The following PKP2 variants were observed in gnomAD, a reference collection of about 807,000 sequenced individuals.
PKP2 encodes plakophilin 2, also known as plakophilin-2.
A neutral mutation model predicts 83.4 loss-of-function variants in PKP2; 73 were observed. That is an observed-to-expected ratio of 0.88 (90% CI 0.72 to 1.06). PKP2 has a LOEUF of 1.06. Among genes scored for constraint, PKP2 ranks in the 50% least tolerant of loss-of-function variants. The pLI is 0.00. For synonymous variants in PKP2, 409 were observed against 430.4 expected, an observed-to-expected ratio of 0.95 and a Z score of 0.62; for missense variants, 966 against 1,065.4, an observed-to-expected ratio of 0.91 and a Z score of 1.30.
intron 1 of PKP2, among the ~76,000 whole-genome samples, chr12:32,883,981 G>A (rs559527760): frequency 6.6e-6 from 1 of 152,124 alleles, no homozygotes; most frequent in Non-Finnish European, 1.5e-5. Flanking sequence ...AAATCAAGCT[G>A]ACCTTCCTTT....
At chr12:32,806,081 A>G (rs991540582) in intron 9 of PKP2, among the ~76,000 whole-genome samples, 8 of 152,204 alleles carry the variant, frequency 5.3e-5, no homozygotes, top group African/African-American at 1.9e-4. Context: ...GGTGGTGGAT[A>G]AGCTTTTTGA....
In PKP2 at chr12:32,846,745, C is replaced by CAAAA. The variant is rs574053559; in HGVS notation, c.1378+4017_1378+4020dup. ...GGGTAACAAGAATGAAACTTCTTCTCAAAAAAAAAAAAAAAAAAGAAGAGA... is the reference window on the plus strand; with the variant it reads ...GGGTAACAAGAATGAAACTTCTTCTCAAAAAAAAAAAAAAAAAAAAAAGAAGAGA... On this transcript the variant is annotated intron_variant, in intron 5 of 12. Coordinates refer to ENST00000340811, the MANE Select transcript of PKP2 (RefSeq NM_001005242.3). Among the ~76,000 whole-genome samples, 404 of 74,866 alleles carry CAAAA rather than the reference C, an allele frequency of 5.4e-3. 6 individuals carry two copies. Among genetic ancestry groups the CAAAA allele is most frequent in the Non-Finnish European group, 7.5e-3 (286 of 38,230 alleles). 49.1% of individuals were successfully genotyped at this position (74,866 alleles called of 152,430 possible). A position where few individuals can be genotyped will look rare whatever the true frequency, so the allele number is the denominator to read the frequency against.
At chr12:32,847,608 C>T (rs1394534856) in intron 5 of PKP2, among the ~76,000 whole-genome samples, 1 of 152,174 alleles carries the variant, frequency 6.6e-6, no homozygotes, top group African/African-American at 2.4e-5. Flanking sequence ...CCAAATCACG[C>T]TATTTTCCAT....
chr12:32,890,909 G>A (rs1303684916), intron 1 of PKP2, among the ~76,000 whole-genome samples: 3 of 147,252 alleles, frequency 2.0e-5, no homozygotes, highest in Non-Finnish European at 4.5e-5. Flanking sequence ...GCAGTGAGCC[G>A]AGATCGTACC....
At chr12:32,840,571 T>G (rs1310589142) in intron 6 of PKP2, among the ~76,000 whole-genome samples, 1 of 152,186 alleles carries the variant, frequency 6.6e-6, no homozygotes, top group Non-Finnish European at 1.5e-5. Context: ...AGTGCTGGTA[T>G]TACAAGTGTG....
rs151227246 is a variant in PKP2, at chr12:32,848,898, A to G, written c.1378+1868T>C. ...AAAAATTAAACCTATTATATAACTA[A>G]ATGAAGCAGGTAGAAGAGCAAAATA... On this transcript the variant is annotated intron_variant, in intron 5 of 12. Transcript: ENST00000340811. 1.8e-3 allele frequency among the ~76,000 whole-genome samples: 269 copies of G among 152,236 alleles called. 3 individuals are homozygous for G. Among genetic ancestry groups the G allele is most frequent in the African/African-American group, 6.1e-3 (253 of 41,552 alleles).
chr12:32,815,638 CAT>C (rs1213912201), intron 9 of PKP2, among the ~76,000 whole-genome samples: 1 of 152,164 alleles, frequency 6.6e-6, no homozygotes, highest in African/African-American at 2.4e-5. Context: ...TCTTTTAAAA[CAT>C]GAGAATTTCT....
intron 9 of PKP2, among the ~76,000 whole-genome samples, chr12:32,807,653 T>A (rs1022510649): frequency 8.5e-5 from 13 of 152,212 alleles, no homozygotes; most frequent in Admixed American, 8.5e-4. Context: ...TGTGTTTTCA[T>A]AGTGGCTGGT....
At position 32,889,474 on chromosome 12, in the gene PKP2, T is replaced by C. The variant is rs1309383603; in HGVS notation, c.223+7035A>G. Among the ~76,000 whole-genome samples the C allele has an allele frequency of 3.3e-5, 5 of 152,318 alleles. No individual in the cohort carries two copies. In the East Asian group the frequency reaches 5.8e-4, roughly 18 times the overall value. ...CCAAAGAGATTTTGACAGAAAGAAC[T>C]GTATCTTACACTACCACTTCTAGCA... On this transcript the variant is annotated intron_variant, in intron 1 of 12. Coordinates refer to ENST00000340811, the MANE Select transcript of PKP2 (RefSeq NM_001005242.3).
chr12:32,812,590 C>A (rs1386349746), intron 9 of PKP2, among the ~76,000 whole-genome samples: 1 of 152,082 alleles, frequency 6.6e-6, no homozygotes, highest in East Asian at 1.9e-4. Flanking sequence ...GCAACCTCTG[C>A]CTCCTGGGTT....
intron 9 of PKP2, among the ~76,000 whole-genome samples, chr12:32,810,311 AGATTGT>A (rs1956265574): frequency 6.6e-6 from 1 of 152,102 alleles, no homozygotes; most frequent in South Asian, 2.1e-4. Flanking sequence ...GCTAACTGAC[AGATTGT>A]GAAGGTCTAT....
At chr12:32,817,415 C>T (rs1956330087) in intron 9 of PKP2, among the ~76,000 whole-genome samples, 1 of 152,194 alleles carries the variant, frequency 6.6e-6, no homozygotes, top group Non-Finnish European at 1.5e-5. Flanking sequence ...TATCTTTCGT[C>T]TATTAAGTCT....
chr12:32,878,008 T>C lies in PKP2; in HGVS notation c.872A>G (p.His291Arg). The C allele has an allele frequency of 2.5e-6, 4 of 1,614,016 alleles. No individual in the cohort carries two copies. The highest frequency in any genetic ancestry group is 2.2e-5 in the South Asian group (2 of 91,080). ...GCGGGTGCTGTGGAAGGAGCTCTGA[T>C]GCCAGGAGGACCTGGAAGCCCTGTT... ...TQNRASRSSWHQSSFHSTRTL... is the reference protein window; with the variant it reads ...TQNRASRSSWRQSSFHSTRTL... The change falls in exon 3 of 13, where the codon CAT becomes CGT. Residue 291 changes from histidine to arginine, a missense_variant. Coordinates refer to ENST00000340811, the MANE Select transcript of PKP2 (RefSeq NM_001005242.3).
At chr12:32,827,398 G>A (rs576941578) in intron 6 of PKP2, among the ~76,000 whole-genome samples, 3 of 152,196 alleles carry the variant, frequency 2.0e-5, no homozygotes, top group South Asian at 2.1e-4. Flanking sequence ...GAATGATAAG[G>A]GTAGATTATT....
At position 32,877,908 on chromosome 12, in the gene PKP2, C is replaced by T. The variant is rs142636176; in HGVS notation, c.972G>A (p.Ala324=). 3.9e-4 allele frequency: 626 copies of T among 1,614,166 alleles called. 3 individuals are homozygous for T. The African/African-American group carries it at 7.3e-3, about 19-fold the overall frequency. ...GCAGATTCCCACTTCCCCCTGCGGC[C>T]GCCTGGCCGACAGTCAAGTGCGCTC... ...GRRAHLTVGQ[A]AAGGSGNLLT... The change falls in exon 3 of 13, where the codon GCG becomes GCA. Residue 324 remains alanine (A), a synonymous_variant. Coordinates refer to ENST00000340811, the MANE Select transcript of PKP2 (RefSeq NM_001005242.3).
At chr12:32,850,674 T>C in intron 5 of PKP2, 92 bp downstream of exon 5, 1 of 946,630 alleles carries the variant, frequency 1.1e-6, no homozygotes, top group Non-Finnish European at 1.7e-6. Flanking sequence ...CCATCAATCA[T>C]TTGCTCCAGG....
At chr12:32,831,720 A>AT (rs1484698584) in intron 6 of PKP2, among the ~76,000 whole-genome samples, 1 of 152,216 alleles carries the variant, frequency 6.6e-6, no homozygotes, top group Non-Finnish European at 1.5e-5. Context: ...GAAGTGTTAC[A>AT]TAATTTCTGT....
At chr12:32,881,839 C>T (rs1434789313) in intron 1 of PKP2, among the ~76,000 whole-genome samples, 2 of 152,138 alleles carry the variant, frequency 1.3e-5, no homozygotes, top group East Asian at 3.9e-4. Context: ...CGCGCCTAGG[C>T]TAACCCTTTA....
chr12:32,793,168 G>A (rs1167125469), intron 11 of PKP2, among the ~76,000 whole-genome samples: 1 of 152,040 alleles, frequency 6.6e-6, no homozygotes, highest in African/African-American at 2.4e-5. Context: ...TTGAACCCGG[G>A]AGGCGGAGGT....
Sources: gnomAD v4.1 joint callset for allele counts (sites outside exome capture counted in the v4.1 genomes callset) on GRCh38, gnomAD v4.1.1 for gene constraint, MANE v1.5 for transcripts, NCBI Gene and HGNC (gene_info 2026-07-23, HGNC 2026-07-21) for gene names.